The following TMC1 variants were observed in gnomAD, a reference collection of about 807,000 sequenced individuals.
TMC1 encodes the protein transmembrane channel like 1, also known as transmembrane channel-like protein 1.
Under a neutral mutation model 105.8 loss-of-function variants are expected in TMC1, and 84 were observed. The ratio of observed to expected loss-of-function variants is 0.79; its 90% confidence interval spans 0.67 to 0.95. TMC1 has a LOEUF of 0.95. Among genes scored for constraint, TMC1 ranks in the 40% least tolerant of loss-of-function variants. The pLI is 0.00. For missense variants in TMC1, 817 were observed against 914.1 expected (o/e 0.89, Z 1.37); for synonymous variants, 315 against 311.5 (o/e 1.01, Z -0.12).
chr9:72,670,875 A>G (rs1420344393), intron 5 of TMC1, among the ~76,000 whole-genome samples: 2 of 152,248 alleles, frequency 1.3e-5, no homozygotes, highest in Non-Finnish European at 2.9e-5. Context: ...ACATACTGGT[A>G]TAAGGTTTTA....
chr9:72,764,384 C>A (rs1827799593), intron 12 of TMC1, among the ~76,000 whole-genome samples: 2 of 151,984 alleles, frequency 1.3e-5, no homozygotes, highest in Non-Finnish European at 2.9e-5. Flanking sequence ...CTCTAATATG[C>A]TTTTAATCTC....
chr9:72,623,611 C>T (rs1205336156), intron 3 of TMC1, among the ~76,000 whole-genome samples: 1 of 151,956 alleles, frequency 6.6e-6, no homozygotes, highest in African/African-American at 2.4e-5. Flanking sequence ...TGAGCAGGTT[C>T]GATCATATTT....
At chr9:72,725,733 C>T (rs1391812774) in intron 8 of TMC1, among the ~76,000 whole-genome samples, 3 of 152,146 alleles carry the variant, frequency 2.0e-5, no homozygotes, top group Middle Eastern at 3.4e-3. Context: ...CTCTGTCGCC[C>T]AGGCTGGAGT....
intron 2 of TMC1, among the ~76,000 whole-genome samples, chr9:72,610,718 T>C (rs2132119553): frequency 6.6e-6 from 1 of 152,208 alleles, no homozygotes; most frequent in East Asian, 1.9e-4. Flanking sequence ...CTGGGCACCC[T>C]GTTACCCAGT....
intron 8 of TMC1, among the ~76,000 whole-genome samples, chr9:72,713,451 C>T (rs1826868012): frequency 6.6e-6 from 1 of 152,138 alleles, no homozygotes; most frequent in South Asian, 2.1e-4. Context: ...AATTTCAGAA[C>T]TTGTTATTGG....
chr9:72,720,668 T>C (rs1238411623), intron 8 of TMC1, among the ~76,000 whole-genome samples: 1 of 152,196 alleles, frequency 6.6e-6, no homozygotes, highest in Non-Finnish European at 1.5e-5. Flanking sequence ...TGTGTCTGCA[T>C]TTCTTGGACA....
chr9:72,728,958 C>T (rs537707171), intron 8 of TMC1, among the ~76,000 whole-genome samples: 1 of 152,154 alleles, frequency 6.6e-6, no homozygotes, highest in Admixed American at 6.5e-5. Context: ...CCCTAAGATG[C>T]TGGCATGACC....
intron 4 of TMC1, among the ~76,000 whole-genome samples, chr9:72,633,562 A>G (rs913289418): frequency 2.6e-5 from 4 of 152,050 alleles, no homozygotes; most frequent in Admixed American, 6.6e-5. Context: ...TTTGACCTTA[A>G]TTTTCTTATT....
intron 1 of TMC1, among the ~76,000 whole-genome samples, chr9:72,548,623 A>G (rs1425859680): frequency 1.1e-4 from 17 of 152,036 alleles, no homozygotes; most frequent in Admixed American, 1.1e-3. Context: ...TTAAGCCAAC[A>G]AGATATGTTT....
At chr9:72,716,754 C>G (rs543463916) in intron 8 of TMC1, among the ~76,000 whole-genome samples, 7 of 152,300 alleles carry the variant, frequency 4.6e-5, no homozygotes, top group African/African-American at 1.7e-4. Flanking sequence ...CTTCAGCCCC[C>G]TTTCCAGGGG....
At chr9:72,697,385 G>T (rs759535909) in intron 7 of TMC1, among the ~76,000 whole-genome samples, 2 of 152,210 alleles carry the variant, frequency 1.3e-5, no homozygotes, top group South Asian at 2.1e-4. Context: ...AGGCCACTTA[G>T]ATACAAATTA....
intron 20 of TMC1, among the ~76,000 whole-genome samples, chr9:72,826,529 T>A (rs1828958726): frequency 6.6e-6 from 1 of 152,222 alleles, no homozygotes; most frequent in Non-Finnish European, 1.5e-5. Context: ...AGTGTTCTCC[T>A]ACAAGAGCAG....
At chr9:72,806,590 G>A (rs566827077) in intron 18 of TMC1, among the ~76,000 whole-genome samples, 6 of 150,420 alleles carry the variant, frequency 4.0e-5, no homozygotes, top group Admixed American at 2.0e-4. Flanking sequence ...CAGATGGGGC[G>A]GCCGGGCAGA....
chr9:72,704,999 GTCAATTTCTATATTTTATTAATCACA>G (rs1826711615), intron 8 of TMC1, among the ~76,000 whole-genome samples: 1 of 151,918 alleles, frequency 6.6e-6, no homozygotes, highest in African/African-American at 2.4e-5. Context: ...TTATTTGAAA[GTCAATTTCTATATTTTATTAATCACA>G]TCATTTAAAA....
intron 5 of TMC1, among the ~76,000 whole-genome samples, chr9:72,681,427 T>G (rs1826284460): frequency 6.6e-6 from 1 of 152,046 alleles, no homozygotes; most frequent in Non-Finnish European, 1.5e-5. Context: ...CCAAACCACA[T>G]AGAGTAAGAG....
chr9:72,786,174 G>A (rs929091246), intron 13 of TMC1, among the ~76,000 whole-genome samples: 3 of 152,158 alleles, frequency 2.0e-5, no homozygotes, highest in African/African-American at 4.8e-5. Flanking sequence ...GGCCAGGCGC[G>A]GTGGCTCACG....
chr9:72,681,283 A>T (rs1312059434), intron 5 of TMC1, among the ~76,000 whole-genome samples: 1 of 152,142 alleles, frequency 6.6e-6, no homozygotes, highest in Non-Finnish European at 1.5e-5. Context: ...TCCCTCCCTC[A>T]AACAATCTAA....
chr9:72,715,151 C>T (rs750064695), intron 8 of TMC1, among the ~76,000 whole-genome samples: 1 of 152,106 alleles, frequency 6.6e-6, no homozygotes, highest in African/African-American at 2.4e-5. Flanking sequence ...GATGGGCTTC[C>T]CTTTGTGGGT....
At chr9:72,528,954 GA>G (rs1326265289) in intron 1 of TMC1, among the ~76,000 whole-genome samples, 1 of 151,864 alleles carries the variant, frequency 6.6e-6, no homozygotes, top group African/African-American at 2.4e-5. Context: ...AACATGTATA[GA>G]TTTTTTTTTT....
Sources: gnomAD v4.1 joint callset for allele counts (sites outside exome capture counted in the v4.1 genomes callset) on GRCh38, gnomAD v4.1.1 for gene constraint, MANE v1.5 for transcripts, NCBI Gene and HGNC (gene_info 2026-07-23, HGNC 2026-07-21) for gene names.